Variants in ANKRD44 observed in about 807,000 individuals in gnomAD.
The protein encoded by ANKRD44 is ankyrin repeat domain 44, also known as serine/threonine-protein phosphatase 6 regulatory ankyrin repeat subunit B.
A neutral mutation model predicts 116.0 loss-of-function variants in ANKRD44; 35 were observed. The ratio of observed to expected loss-of-function variants is 0.30; its 90% CI spans 0.23 to 0.40. The LOEUF is 0.40. Ranked by LOEUF, ANKRD44 falls within the 10% of genes least tolerant of loss-of-function variation. The pLI, the probability that ANKRD44 is intolerant of heterozygous loss-of-function variation, is 1.00. For synonymous variants in ANKRD44, 435 were observed against 461.8 expected (o/e 0.94, Z 0.74); for missense variants, 1,014 against 1,242.6 (o/e 0.82, Z 2.77).
intron 2 of ANKRD44, among the ~76,000 whole-genome samples, chr2:197,169,486 A>G (rs2080175429): frequency 6.6e-6 from 1 of 152,164 alleles, no homozygotes; most frequent in African/African-American, 2.4e-5. Context: ...TGCCTGACAC[A>G]TAGCAGATTC....
chr2:197,118,290 C>CA (rs963369289), intron 8 of ANKRD44, among the ~76,000 whole-genome samples: 2 of 148,478 alleles, frequency 1.3e-5, no homozygotes, highest in Admixed American at 6.7e-5. Flanking sequence ...AGCAAATACA[C>CA]AAAAAAGAAA....
chr2:197,125,768 G>A (rs2078960477), intron 5 of ANKRD44, 69 bp downstream of exon 5: 2 of 1,485,010 alleles, frequency 1.3e-6, no homozygotes, highest in Non-Finnish European at 1.9e-6. Flanking sequence ...TCAGCAAGAA[G>A]ATCAGTTTCC....
At chr2:197,042,661 A>T (rs1574336065) in intron 16 of ANKRD44, among the ~76,000 whole-genome samples, 1 of 152,206 alleles carries the variant, frequency 6.6e-6, no homozygotes, top group African/African-American at 2.4e-5. Context: ...GGAATAACAT[A>T]TGAATTTTAA....
intron 1 of ANKRD44, chr2:197,302,613 T>C (rs2083944932): frequency 6.6e-6 from 1 of 152,222 alleles, no homozygotes; most frequent in African/African-American, 2.4e-5. Flanking sequence ...GGTTGATTTG[T>C]CCCGGCTGAC....
At chr2:197,106,188 T>A (rs199970267) in intron 9 of ANKRD44, among the ~76,000 whole-genome samples, 1 of 152,160 alleles carries the variant, frequency 6.6e-6, no homozygotes, top group East Asian at 1.9e-4. Context: ...ACGCCTGTAA[T>A]CCCAGCACTT....
At chr2:197,300,758 CTTTT>C (rs112803787) in intron 1 of ANKRD44, among the ~76,000 whole-genome samples, 4 of 122,716 alleles carry the variant, frequency 3.3e-5, no homozygotes, top group African/African-American at 9.8e-5. Flanking sequence ...TTTCATTTTC[CTTTT>C]TTTTTTTTTT....
At chr2:197,098,044 T>C (rs1362103529) in intron 10 of ANKRD44, among the ~76,000 whole-genome samples, 1 of 152,190 alleles carries the variant, frequency 6.6e-6, no homozygotes, top group Non-Finnish European at 1.5e-5. Flanking sequence ...CCATTTCTCT[T>C]TCTACCCCAT....
At chr2:197,263,244 T>C (rs2697282) in intron 1 of ANKRD44, 443,127 of 529,798 alleles carry the variant, frequency 0.84, 185,765 homozygotes, top group South Asian at 0.9. Flanking sequence ...AGCAGCTTGG[T>C]AGTCTCACGT....
At chr2:197,085,044 A>G (rs1415853507) in intron 13 of ANKRD44, among the ~76,000 whole-genome samples, 1 of 152,200 alleles carries the variant, frequency 6.6e-6, no homozygotes, top group African/African-American at 2.4e-5. Context: ...TTTGCTGTAC[A>G]TTACTTATTT....
At chr2:197,038,605 C>T (rs1227820590) in intron 16 of ANKRD44, among the ~76,000 whole-genome samples, 2 of 152,084 alleles carry the variant, frequency 1.3e-5, no homozygotes, top group Non-Finnish European at 2.9e-5. Flanking sequence ...AATTGATGGA[C>T]CAATACTATA....
chr2:197,109,780 A>T (rs2579405), intron 9 of ANKRD44, among the ~76,000 whole-genome samples: 140,495 of 152,110 alleles, frequency 0.92, 65,236 homozygotes, highest in East Asian at 0.98. Flanking sequence ...TGTCTTTTTT[A>T]AATACTCTCT....
chr2:197,121,223 G>A, intron 8 of ANKRD44, 109 bp downstream of exon 8: 1 of 1,065,890 alleles, frequency 9.4e-7, no homozygotes, highest in Non-Finnish European at 1.4e-6. Flanking sequence ...CCAGGACAAG[G>A]CTGTGAGGTT....
At chr2:197,208,687 C>T (rs1238293556) in intron 1 of ANKRD44, among the ~76,000 whole-genome samples, 1 of 151,980 alleles carries the variant, frequency 6.6e-6, no homozygotes, top group East Asian at 1.9e-4. Flanking sequence ...ATAGTCCCAG[C>T]TACTCGGGAG....
chr2:197,135,021 G>A (rs11685975), intron 4 of ANKRD44: 2 of 152,230 alleles, frequency 1.3e-5, no homozygotes, highest in South Asian at 4.2e-4. Context: ...AGGCAATTTA[G>A]GATTATTGAC....
intron 16 of ANKRD44, among the ~76,000 whole-genome samples, chr2:197,043,089 C>T (rs1274150698): frequency 2.0e-5 from 3 of 152,184 alleles, no homozygotes; most frequent in Non-Finnish European, 4.4e-5. Context: ...GTACCACAAA[C>T]GTCCTCACGA....
At chr2:197,143,629 T>G (rs2079427121) in intron 3 of ANKRD44, among the ~76,000 whole-genome samples, 1 of 152,020 alleles carries the variant, frequency 6.6e-6, no homozygotes, top group Admixed American at 6.5e-5. Flanking sequence ...GTTCCAAGTC[T>G]TTGCTATTGT....
chr2:197,000,644 A>G (rs2076097985), intron 22 of ANKRD44, 142 bp from the exon 23 acceptor site: 2 of 676,782 alleles, frequency 3.0e-6, no homozygotes, highest in Non-Finnish European at 5.1e-6. Context: ...ATATGTTTCA[A>G]TGGCATACAT....
chr2:197,010,900 A>T (rs1574269886), intron 18 of ANKRD44, among the ~76,000 whole-genome samples: 5 of 152,274 alleles, frequency 3.3e-5, no homozygotes, highest in Admixed American at 3.3e-4. Context: ...ACAATGACAC[A>T]TTTTTTCAGG....
chr2:196,990,577 C>T (rs2075897892), intron 27 of ANKRD44: 3 of 1,230,384 alleles, frequency 2.4e-6, no homozygotes, highest in Admixed American at 8.5e-5. Context: ...CTTCTGGAAG[C>T]CCAGGCCCCA....
Sources: allele counts gnomAD v4.1 joint callset (sites outside exome capture counted in the v4.1 genomes callset), GRCh38; gene constraint gnomAD v4.1.1; transcripts MANE v1.5; gene names NCBI Gene and HGNC (gene_info 2026-07-23, HGNC 2026-07-21).